Variants in WDR20 observed in about 807,000 individuals in gnomAD.
The protein encoded by WDR20 is WD repeat domain 20, also known as WD repeat-containing protein 20.
WDR20 carries 3 observed loss-of-function variants against 38.7 expected under a neutral mutation model. That is an observed-to-expected ratio of 0.08 (90% CI 0.04 to 0.20). WDR20 has a LOEUF of 0.20. WDR20 is among the 10% of genes least tolerant of loss of function. The pLI, the probability that WDR20 is intolerant of heterozygous loss-of-function variation, is 1.00. For missense variants in WDR20, 559 were observed against 727.7 expected (o/e 0.77, Z 2.67); for synonymous variants, 298 against 285.6 (o/e 1.04, Z -0.44).
intron 2 of WDR20, among the ~76,000 whole-genome samples, chr14:102,205,758 A>G (rs2061419445): frequency 6.6e-6 from 1 of 151,608 alleles, no homozygotes; most frequent in South Asian, 2.1e-4. Flanking sequence ...ACAATGGGTA[A>G]GGCAAGTGAG....
At chr14:102,182,994 G>T (rs2063724172) in intron 1 of WDR20, among the ~76,000 whole-genome samples, 1 of 152,008 alleles carries the variant, frequency 6.6e-6, no homozygotes, top group South Asian at 2.1e-4. Flanking sequence ...AACCCAGGAG[G>T]TGGAGGTTGC....
At chr14:102,178,679 C>T (rs1351902216) in intron 1 of WDR20, among the ~76,000 whole-genome samples, 2 of 151,764 alleles carry the variant, frequency 1.3e-5, no homozygotes, top group African/African-American at 4.8e-5. Context: ...TTGAGAACCA[C>T]TGCCTTATAG....
At chr14:102,214,542 G>A (rs949389804), downstream of WDR20, 2 of 985,262 alleles carry the variant, frequency 2.0e-6, no homozygotes, top group African/African-American at 3.5e-5. Flanking sequence ...CGAACTTCGT[G>A]TCATAAATTG....
At chr14:102,172,986 A>G (rs987890716) in intron 1 of WDR20, among the ~76,000 whole-genome samples, 12 of 146,256 alleles carry the variant, frequency 8.2e-5, no homozygotes, top group African/African-American at 3.1e-4. Context: ...CGGCGGGGCA[A>G]AGGCACTCCC....
intron 1 of WDR20, among the ~76,000 whole-genome samples, chr14:102,153,174 A>G (rs1180016813): frequency 2.0e-5 from 3 of 152,034 alleles, no homozygotes; most frequent in Non-Finnish European, 4.4e-5. Context: ...TTCTTTCTCC[A>G]TGTGAAGTGC....
intron 1 of WDR20, among the ~76,000 whole-genome samples, chr14:102,186,642 G>A (rs1227709319): frequency 6.6e-6 from 1 of 152,032 alleles, no homozygotes; most frequent in Admixed American, 6.6e-5. Flanking sequence ...GCAGCCCCAA[G>A]CCTGACTAGG....
downstream of WDR20, chr14:102,224,444 A>T: frequency 5.2e-6 from 2 of 387,658 alleles, no homozygotes; most frequent in Non-Finnish European, 1.0e-5. Context: ...CAGAATGTGC[A>T]GCTACCAAGC....
intron 1 of WDR20, among the ~76,000 whole-genome samples, chr14:102,164,780 G>A (rs540953321): frequency 6.6e-6 from 1 of 151,938 alleles, no homozygotes; most frequent in African/African-American, 2.4e-5. Context: ...TTTAACTATC[G>A]GATTTCTTTA....
At position 102,209,434 on chromosome 14, in the gene WDR20, G is replaced by A. The variant is rs781426444; in HGVS notation, c.1264G>A (p.Gly422Arg). ...CAATGGGAACAGTGTTACAACACCC[G>A]GGAACTCTGTGCCGCCTCCTCTGCC... ...GSNGNSVTTP[G>R]NSVPPPLPRS... The change falls in exon 3 of 3, where the codon GGG becomes AGG. Residue 422 changes from glycine (G) to arginine (R), a missense_variant. Physicochemically the swap from Gly to Arg is moderately radical, Grantham distance 125 (BLOSUM62 -2). Coordinates refer to ENST00000342702, the MANE Select transcript of WDR20 (RefSeq NM_144574.4). This position sits in a 1 kb window ranked among gnomAD's most constrained non-coding sequence, Gnocchi z 6.0. 1.6e-5 allele frequency: 26 copies of A among 1,614,036 alleles called. 1 individual carries two copies. The highest frequency in any genetic ancestry group is 2.1e-5 in the Non-Finnish European group (25 of 1,180,036).
intron 2 of WDR20, among the ~76,000 whole-genome samples, chr14:102,202,602 G>C (rs891078272): frequency 2.0e-5 from 3 of 151,776 alleles, no homozygotes; most frequent in Non-Finnish European, 2.9e-5. Flanking sequence ...GGATGGTCTC[G>C]ATCTCCTGAC....
chr14:102,153,434 G>A (rs1247463750), intron 1 of WDR20, among the ~76,000 whole-genome samples: 1 of 151,508 alleles, frequency 6.6e-6, no homozygotes, highest in Non-Finnish European at 1.5e-5. Context: ...AGCCTCTGGA[G>A]TAGCTGGGAT....
chr14:102,149,191 A>G (rs1235588650), intron 1 of WDR20, among the ~76,000 whole-genome samples: 1 of 152,060 alleles, frequency 6.6e-6, no homozygotes, highest in Admixed American at 6.6e-5. Context: ...AAATACATAC[A>G]TAAATACATT....
chr14:102,148,390 A>T (rs2054418062), intron 1 of WDR20, among the ~76,000 whole-genome samples: 1 of 151,964 alleles, frequency 6.6e-6, no homozygotes, highest in South Asian at 2.1e-4. Flanking sequence ...ACAAGAAAAA[A>T]TTAGCCAGGT....
Position 102,209,416 on chromosome 14 carries a change from A to T in WDR20, c.1246A>T (p.Asn416Tyr). 6.2e-7 allele frequency: 1 copy of T among 1,614,162 alleles called. No homozygotes were observed. The change falls in exon 3 of 3, where the codon AAC becomes TAC. Residue 416 changes from asparagine (N) to tyrosine (Y), a missense_variant. Asn to Tyr is a moderately radical substitution (Grantham distance 143). Coordinates refer to ENST00000342702, the MANE Select transcript of WDR20 (RefSeq NM_144574.4). This position sits in a 1 kb window ranked among gnomAD's most constrained non-coding sequence, Gnocchi z 6.0. ...GAGTCCTCCTGCTGGAAGCAATGGG[A>T]ACAGTGTTACAACACCCGGGAACTC... ...ATSPPAGSNG[N>Y]SVTTPGNSVP...
Position 102,161,917 on chromosome 14 carries a change from T to G in WDR20, c.249+21745T>G, listed in dbSNP as rs528952889. ...CCTTTACCAAACCTCCTTCTTTGAC[T>G]TGTTGTTCCAAATTGGATTAACCAG... is the stretch of plus-strand genomic sequence containing the variant. On this transcript the variant is annotated intron_variant, in intron 1 of 2. Transcript: ENST00000342702. Among the ~76,000 whole-genome samples, 75 of 152,284 alleles carry G rather than the reference T, an allele frequency of 4.9e-4. No homozygotes were observed. In the South Asian group the frequency reaches 0.015, roughly 31 times the overall value.
downstream of WDR20, among the ~76,000 whole-genome samples, chr14:102,224,093 G>C (rs577013998): frequency 3.5e-3 from 513 of 147,130 alleles, 3 homozygotes; most frequent in African/African-American, 0.012. Flanking sequence ...CCAGGCTGGA[G>C]TGCAGTGGCG....
At chr14:102,139,670 G>C, upstream of WDR20, 1 of 653,276 alleles carries the variant, frequency 1.5e-6, no homozygotes, top group South Asian at 2.0e-5. Flanking sequence ...CAGCCATGCC[G>C]CCCGGAGGCC....
At chr14:102,165,153 T>TC (rs2059506505) in intron 1 of WDR20, among the ~76,000 whole-genome samples, 1 of 151,968 alleles carries the variant, frequency 6.6e-6, no homozygotes, top group Non-Finnish European at 1.5e-5. Context: ...ACTGTGGCTC[T>TC]CCCCTCCTCA....
At chr14:102,168,214 A>G (rs2060129616) in intron 1 of WDR20, among the ~76,000 whole-genome samples, 1 of 152,238 alleles carries the variant, frequency 6.6e-6, no homozygotes, top group South Asian at 2.1e-4. Context: ...GAGCTTTTTT[A>G]GAAGGCAAGC....
Sources: gnomAD v4.1 joint callset for allele counts (sites outside exome capture counted in the v4.1 genomes callset) on GRCh38, gnomAD v4.1.1 for gene constraint, Gnocchi (gnomAD v3.1) non-coding constraint, MANE v1.5 for transcripts, NCBI Gene and HGNC (gene_info 2026-07-23, HGNC 2026-07-21) for gene names.